Variants in SEC14L1 observed in about 807,000 individuals in gnomAD.
SEC14L1 encodes SEC14 like lipid binding 1.
Under a neutral mutation model 85.3 loss-of-function variants are expected in SEC14L1, and 48 were observed. That is an observed-to-expected ratio of 0.56 (90% CI 0.45 to 0.72). SEC14L1 has a LOEUF of 0.72. SEC14L1 is among the 30% of genes least tolerant of loss of function. SEC14L1 has a pLI of 0.00. For missense variants in SEC14L1, 682 were observed against 921.4 expected (o/e 0.74, Z 3.36); for synonymous variants, 391 against 355.5 (o/e 1.10, Z -1.12).
At chr17:77,094,470 T>C (rs1472147901) in intron 3 of SEC14L1, 2 of 152,024 alleles carry the variant, frequency 1.3e-5, no homozygotes, top group Non-Finnish European at 2.9e-5. Context: ...TTTTTTTTGT[T>C]TGTTTTTTGT....
chr17:77,137,851 G>A (rs1205334732), upstream of SEC14L1, among the ~76,000 whole-genome samples: 1 of 152,176 alleles, frequency 6.6e-6, no homozygotes, highest in Non-Finnish European at 1.5e-5. Flanking sequence ...ACCACCCAAG[G>A]GGTTCACCTT....
In SEC14L1 at chr17:77,091,335, A is replaced by G. The variant is rs1170059074; in HGVS notation, c.-239-1909A>G. ...ACTCCTGACCTCTGGTGATCTGCTCACCTCGGCCTCCCAAAGTGCTGGGAT... is the reference window on the plus strand; with the variant it reads ...ACTCCTGACCTCTGGTGATCTGCTCGCCTCGGCCTCCCAAAGTGCTGGGAT... On this transcript the variant is annotated intron_variant, in intron 2 of 19. Transcript: ENST00000392476. Among the ~76,000 whole-genome samples, 3 of 151,998 alleles carry G rather than the reference A, an allele frequency of 2.0e-5. No homozygotes were observed. The East Asian group carries it at 5.8e-4, about 29-fold the overall frequency.
chr17:77,092,611 G>T (rs1042835508), intron 2 of SEC14L1, among the ~76,000 whole-genome samples: 2 of 152,108 alleles, frequency 1.3e-5, no homozygotes, highest in African/African-American at 2.4e-5. Flanking sequence ...TAACAAGCAG[G>T]TTTCTAAGGG....
intron 9 of SEC14L1, among the ~76,000 whole-genome samples, chr17:77,201,744 C>T (rs999338070): frequency 2.0e-5 from 3 of 152,140 alleles, no homozygotes; most frequent in Non-Finnish European, 2.9e-5. Context: ...CCATTGCGCC[C>T]GGCCTCAACA....
rs1977022336 is a variant in SEC14L1 at position 77,215,859 on chromosome 17, T to G, written c.*1836T>G. The G allele has an allele frequency of 1.0e-6, 1 of 966,390 alleles. No homozygotes were observed. The highest frequency in any genetic ancestry group is 2.0e-5 in the African/African-American group (1 of 50,048). The allele number at this position is 966,390 out of a possible 1,614,324, so 59.9% of individuals were successfully genotyped here. A position where few individuals can be genotyped will look rare whatever the true frequency, so the allele number is the denominator to read the frequency against. On this transcript the variant is annotated 3_prime_UTR_variant, in exon 17 of 17. Coordinates refer to ENST00000436233, the MANE Select transcript of SEC14L1 (RefSeq NM_001143998.2). Reference sequence around the variant, plus strand: ...AGGGCTAGTAGGTAGGGTTAGTAGGTAGGGTTCGTAGGTAGGGTTCGTAGG... The same window carrying G: ...AGGGCTAGTAGGTAGGGTTAGTAGGGAGGGTTCGTAGGTAGGGTTCGTAGG...
At chr17:77,161,837 T>G (rs930633382) in intron 3 of SEC14L1, among the ~76,000 whole-genome samples, 3 of 151,528 alleles carry the variant, frequency 2.0e-5, no homozygotes, top group Non-Finnish European at 4.4e-5. Context: ...TATATTTTAA[T>G]TTTTGTTTGT....
intron 10 of SEC14L1, among the ~76,000 whole-genome samples, chr17:77,204,522 C>CCTTTTTTTTTTTTTTTTTTTT (rs1555628453): frequency 1.2e-5 from 1 of 84,728 alleles, no homozygotes; most frequent in Non-Finnish European, 2.4e-5. Context: ...GCCCAGCCAG[C>CCTTTTTTTTTTTTTTTTTTTT]TTTTTTTTTT....
intron 3 of SEC14L1, among the ~76,000 whole-genome samples, chr17:77,107,488 C>G (rs1713539): frequency 6.6e-6 from 1 of 152,094 alleles, no homozygotes; most frequent in African/African-American, 2.4e-5. Context: ...TTATATATTT[C>G]TATTCTATGT....
At chr17:77,144,416 G>C (rs12601162) in intron 3 of SEC14L1, among the ~76,000 whole-genome samples, 10,160 of 152,162 alleles carry the variant, frequency 0.067, 443 homozygotes, top group East Asian at 0.27. Context: ...TGGTTCAAGT[G>C]AGCCACTGTT....
chr17:77,125,605 C>G (rs754580052), intron 3 of SEC14L1, among the ~76,000 whole-genome samples: 1 of 152,106 alleles, frequency 6.6e-6, no homozygotes, highest in Non-Finnish European at 1.5e-5. Flanking sequence ...ACTGCTATAC[C>G]GGGACCATAT....
At chr17:77,163,675 T>C (rs1466221945) in intron 3 of SEC14L1, among the ~76,000 whole-genome samples, 1 of 152,206 alleles carries the variant, frequency 6.6e-6, no homozygotes, top group African/African-American at 2.4e-5. Flanking sequence ...GGATATTCAG[T>C]CTTCATATGC....
At chr17:77,171,479 T>C (rs1224907967) in intron 3 of SEC14L1, among the ~76,000 whole-genome samples, 1 of 152,206 alleles carries the variant, frequency 6.6e-6, no homozygotes, top group Non-Finnish European at 1.5e-5. Context: ...TTCCCTCAGC[T>C]TCTAAAGGAA....
At position 77,209,238 on chromosome 17, in the gene SEC14L1, C is replaced by A; in HGVS notation, c.1477-104C>A. On this transcript the variant is annotated intron_variant, in intron 13 of 16. Coordinates refer to ENST00000436233, the MANE Select transcript of SEC14L1 (RefSeq NM_001143998.2). ...CCAGTGTTTTCCATTTTCTCAGCAA[C>A]CTCCAGAAGTTGAGTGCAGGGGGAT... is the stretch of plus-strand genomic sequence containing the variant. 2.9e-6 allele frequency: 4 copies of A among 1,379,172 alleles called. No homozygotes were observed. The South Asian group carries it at 4.2e-5, about 15-fold the overall frequency. The allele number at this position is 1,379,172 out of a possible 1,614,324, so 85.4% of individuals were successfully genotyped here.
intron 3 of SEC14L1, among the ~76,000 whole-genome samples, chr17:77,161,497 CA>C (rs968487803): frequency 8.0e-5 from 12 of 150,062 alleles, no homozygotes; most frequent in African/African-American, 2.0e-4. Context: ...TACTCTATCT[CA>C]AAAAAAAAGT....
At chr17:77,131,549 C>T (rs1031835929) in intron 3 of SEC14L1, among the ~76,000 whole-genome samples, 2 of 152,212 alleles carry the variant, frequency 1.3e-5, no homozygotes, top group African/African-American at 2.4e-5. Flanking sequence ...GGATTACAGG[C>T]GTGAGCCACC....
chr17:77,164,479 C>T (rs1324219359), intron 3 of SEC14L1, among the ~76,000 whole-genome samples: 1 of 152,146 alleles, frequency 6.6e-6, no homozygotes, highest in Non-Finnish European at 1.5e-5. Flanking sequence ...CCCTTTTTCC[C>T]AGCGCTCCCC....
rs945986557 is a variant in SEC14L1 at position 77,206,470 on chromosome 17, G to A, written c.1341+70G>A. 1.4e-5 allele frequency: 21 copies of A among 1,502,052 alleles called. No individual in the cohort carries two copies. The South Asian group carries it at 2.3e-4, about 17-fold the overall frequency. 93.0% of individuals were successfully genotyped at this position (1,502,052 alleles called of 1,614,324 possible). A position where few individuals can be genotyped will look rare whatever the true frequency, so the allele number is the denominator to read the frequency against. On this transcript the variant is annotated intron_variant, in intron 12 of 16. Transcript: ENST00000436233. This position sits in a 1 kb window ranked among gnomAD's most constrained non-coding sequence, Gnocchi z 4.3. The stretch of plus-strand genomic sequence containing the variant: ...GCAGATAACATGCATTCATATACAC[G>A]TGTCTGTGACCTAAAGTCTTAACTT...
At chr17:77,183,187 G>A (rs1370829071) in intron 3 of SEC14L1, among the ~76,000 whole-genome samples, 1 of 152,220 alleles carries the variant, frequency 6.6e-6, no homozygotes, top group South Asian at 2.1e-4. Flanking sequence ...TTTACATGTG[G>A]ACTTTCTCCC....
At chr17:77,170,321 GTGCAACCGTTTT>G (rs1974471007) in intron 3 of SEC14L1, among the ~76,000 whole-genome samples, 2 of 152,228 alleles carry the variant, frequency 1.3e-5, no homozygotes, top group African/African-American at 4.8e-5. Context: ...GGTGTGATGA[GTGCAACCGTTTT>G]TGGTGGTCCT....
Sources: allele counts gnomAD v4.1 joint callset (sites outside exome capture counted in the v4.1 genomes callset), GRCh38; gene constraint gnomAD v4.1.1; non-coding constraint Gnocchi (gnomAD v3.1); transcripts MANE v1.5; gene names NCBI Gene and HGNC (gene_info 2026-07-23, HGNC 2026-07-21).